PTPRN2: variants seen among roughly 807,000 people sequenced by gnomAD.
The protein encoded by PTPRN2 is protein tyrosine phosphatase receptor type N2.
PTPRN2 carries 74 observed loss-of-function variants against 118.8 expected under a neutral mutation model. That is an observed-to-expected ratio of 0.62 (90% CI 0.52 to 0.76). The LOEUF (loss-of-function observed/expected upper bound fraction) is 0.76. PTPRN2 is among the 30% of genes least tolerant of loss of function. The probability of loss-of-function intolerance (pLI) is 0.00; values close to 1 mark genes in which losing one functional copy is unlikely to be tolerated. For missense variants in PTPRN2, 1,481 were observed against 1,394.4 expected, an observed-to-expected ratio of 1.06 and a Z score of -0.99; for synonymous variants, 641 against 608.0, an observed-to-expected ratio of 1.05 and a Z score of -0.80.
intron 2 of PTPRN2, among the ~76,000 whole-genome samples, chr7:158,381,000 C>T (rs111893178): frequency 3.3e-5 from 5 of 152,372 alleles, no homozygotes; most frequent in African/African-American, 1.2e-4. Flanking sequence ...CGCAGGGCAT[C>T]AAGTCCCTAG....
At chr7:157,926,654 C>A (rs1012972718) in intron 11 of PTPRN2, among the ~76,000 whole-genome samples, 2 of 152,186 alleles carry the variant, frequency 1.3e-5, no homozygotes, top group Admixed American at 6.5e-5. Flanking sequence ...TCCAGTGCCC[C>A]TTCCTCTAAA....
chr7:157,714,529 T>G (rs1176172605), intron 12 of PTPRN2, among the ~76,000 whole-genome samples: 1 of 152,234 alleles, frequency 6.6e-6, no homozygotes, highest in Non-Finnish European at 1.5e-5. Flanking sequence ...AGTTTAGGAA[T>G]TGTGATTCCT....
chr7:157,585,933 C>A lies in PTPRN2; in HGVS notation c.2497-7793G>T, dbSNP rs1007757056. ...ATGTGTGCGGCGAGAGACTGACCGACCATCTTTGCACTGTCCCAGGCAGAA... is the reference window on the plus strand; with the variant it reads ...ATGTGTGCGGCGAGAGACTGACCGAACATCTTTGCACTGTCCCAGGCAGAA... On this transcript the variant is annotated intron_variant, in intron 17 of 22. Coordinates refer to ENST00000389418, the MANE Select transcript of PTPRN2 (RefSeq NM_002847.5). The surrounding 1 kb of genome is among the most constrained non-coding windows in gnomAD (Gnocchi z 5.2). Among the ~76,000 whole-genome samples, 3 of 152,188 alleles carry A rather than the reference C, an allele frequency of 2.0e-5. No homozygotes were observed. Among genetic ancestry groups the A allele is most frequent in the Non-Finnish European group, 4.4e-5 (3 of 68,022 alleles).
In PTPRN2 at chr7:158,290,220, G is replaced by A. The variant is rs570347937; in HGVS notation, c.277+26599C>T. On this transcript the variant is annotated intron_variant, in intron 3 of 22. Coordinates refer to ENST00000389418, the MANE Select transcript of PTPRN2 (RefSeq NM_002847.5). Reference sequence around the variant, plus strand: ...GCTGGCACCAGGGGTCTATTGGAGTGGGCCTGGACTCTGAGTTCTGGAGCC... The same window carrying A: ...GCTGGCACCAGGGGTCTATTGGAGTAGGCCTGGACTCTGAGTTCTGGAGCC... Among the ~76,000 whole-genome samples the A allele has an allele frequency of 1.0e-3, 154 of 152,240 alleles. 1 individual carries two copies. The highest frequency in any genetic ancestry group is 3.5e-3 in the African/African-American group (145 of 41,534).
intron 3 of PTPRN2, among the ~76,000 whole-genome samples, chr7:158,287,169 G>C (rs1344183607): frequency 6.6e-6 from 1 of 151,836 alleles, no homozygotes; most frequent in African/African-American, 2.4e-5. Flanking sequence ...ACATTTCTGT[G>C]GTATTTGTTG....
At chr7:158,317,751 C>A (rs1802457479) in intron 2 of PTPRN2, among the ~76,000 whole-genome samples, 1 of 152,170 alleles carries the variant, frequency 6.6e-6, no homozygotes, top group African/African-American at 2.4e-5. Flanking sequence ...TTTTATTGTT[C>A]ACTAGGTTTC....
intron 6 of PTPRN2, among the ~76,000 whole-genome samples, chr7:158,145,081 C>G (rs527858651): frequency 6.6e-6 from 1 of 150,526 alleles, no homozygotes; most frequent in African/African-American, 2.5e-5. Flanking sequence ...CGAGAAGGTT[C>G]CAGAATACCA....
intron 12 of PTPRN2, among the ~76,000 whole-genome samples, chr7:157,843,233 G>C (rs1481172766): frequency 6.6e-6 from 1 of 152,180 alleles, no homozygotes; most frequent in Non-Finnish European, 1.5e-5. Flanking sequence ...AAGCCTAATG[G>C]TATGTATGAA....
At chr7:158,029,217 CCGGGGGCACGGGG>C (rs1563342874) in intron 11 of PTPRN2, 2 of 151,370 alleles carry the variant, frequency 1.3e-5, no homozygotes, top group Non-Finnish European at 2.9e-5. Context: ...TATCCTCTCG[CCGGGGGCACGGGG>C]TCCGTATCCT....
rs1796151694 is a variant in PTPRN2 at position 157,881,894 on chromosome 7, T to C, written c.1788+16779A>G. 1.3e-5 allele frequency among the ~76,000 whole-genome samples: 2 copies of C among 152,208 alleles called. No individual in the cohort carries two copies. The highest frequency in any genetic ancestry group is 2.1e-4 in the South Asian group (1 of 4,834). Reference sequence around the variant, plus strand: ...ACTAAAGAGCTACTAGGGCCCAGTGTCTAGGGCCCTCCACCATCCATCAGT... The same window carrying C: ...ACTAAAGAGCTACTAGGGCCCAGTGCCTAGGGCCCTCCACCATCCATCAGT... On this transcript the variant is annotated intron_variant, in intron 12 of 22. Transcript: ENST00000389418. The surrounding 1 kb of genome is among the most constrained non-coding windows in gnomAD (Gnocchi z 4.7).
intron 2 of PTPRN2, among the ~76,000 whole-genome samples, chr7:158,334,591 C>CACACT (rs1388373856): frequency 5.2e-4 from 25 of 48,470 alleles, no homozygotes; most frequent in South Asian, 1.7e-3. Flanking sequence ...TCACTCACAC[C>CACACT]CACACTCTCA....
At chr7:158,044,204 T>TA (rs1322926140) in intron 11 of PTPRN2, among the ~76,000 whole-genome samples, 2 of 152,134 alleles carry the variant, frequency 1.3e-5, no homozygotes, top group African/African-American at 4.8e-5. Flanking sequence ...CTTGGTTAAA[T>TA]AAAAAACACT....
At chr7:158,352,931 CACCAG>C (rs1808115263) in intron 2 of PTPRN2, among the ~76,000 whole-genome samples, 2 of 152,220 alleles carry the variant, frequency 1.3e-5, no homozygotes, top group Admixed American at 1.3e-4. Context: ...CCAGGGCCTG[CACCAG>C]GCCACCCAGT....
At chr7:157,916,621 C>T (rs1798412006) in intron 11 of PTPRN2, among the ~76,000 whole-genome samples, 1 of 152,266 alleles carries the variant, frequency 6.6e-6, no homozygotes, top group Non-Finnish European at 1.5e-5. Flanking sequence ...CAGCTCCTTG[C>T]TCCAGCCACC....
intron 3 of PTPRN2, among the ~76,000 whole-genome samples, chr7:158,235,316 C>T (rs1829461005): frequency 6.6e-6 from 1 of 152,132 alleles, no homozygotes. Flanking sequence ...CAGGACTAGT[C>T]ACAATAGCAA....
chr7:158,346,265 G>C (rs530138603), intron 2 of PTPRN2, among the ~76,000 whole-genome samples: 1 of 152,128 alleles, frequency 6.6e-6, no homozygotes, highest in South Asian at 2.1e-4. Context: ...CCTGAGATTT[G>C]TGCCCTCCAC....
chr7:158,504,417 C>G (rs1174896486), intron 1 of PTPRN2, among the ~76,000 whole-genome samples: 1 of 152,124 alleles, frequency 6.6e-6, no homozygotes, highest in Non-Finnish European at 1.5e-5. Flanking sequence ...TCCCGTCATT[C>G]AGCTCCCACT....
Position 158,270,834 on chromosome 7 carries a change from GACCC to G in PTPRN2, c.277+45981_277+45984del, listed in dbSNP as rs1798348112. Among the ~76,000 whole-genome samples, 17 of 7,666 alleles carry G rather than the reference GACCC, an allele frequency of 2.2e-3. 1 individual carries two copies. The highest frequency in any genetic ancestry group is 0.1 in the Middle Eastern group (1 of 10). 5.0% of individuals were successfully genotyped at this position (7,666 alleles called of 152,430 possible). ...CCTGGACCGCCCCCTCCACCTGGAT[GACCC>G]CCTCACCTGGACCGCCCCCCCACCT... On this transcript the variant is annotated intron_variant, in intron 3 of 22. Coordinates refer to ENST00000389418, the MANE Select transcript of PTPRN2 (RefSeq NM_002847.5).
At chr7:157,971,717 C>T (rs978146340) in intron 11 of PTPRN2, among the ~76,000 whole-genome samples, 1 of 152,004 alleles carries the variant, frequency 6.6e-6, no homozygotes, top group Non-Finnish European at 1.5e-5. Context: ...AAAAACCCAC[C>T]GTTTTAGAAT....
Sources: allele counts gnomAD v4.1 joint callset (sites outside exome capture counted in the v4.1 genomes callset), GRCh38; gene constraint gnomAD v4.1.1; non-coding constraint Gnocchi (gnomAD v3.1); transcripts MANE v1.5; gene names NCBI Gene and HGNC (gene_info 2026-07-23, HGNC 2026-07-21).